The following ZNF844 variants were observed in gnomAD, a reference collection of about 807,000 sequenced individuals.
ZNF844 encodes zinc finger protein 844.
Under a neutral mutation model 11.4 loss-of-function variants are expected in ZNF844, and 11 were observed. That is an observed-to-expected ratio of 0.97 (90% CI 0.61 to 1.60). ZNF844 has a LOEUF of 1.60. ZNF844 is among the 40% of genes most tolerant of loss of function. ZNF844 has a pLI of 0.00. For synonymous variants in ZNF844, 248 were observed against 260.3 expected (o/e 0.95, Z 0.46); for missense variants, 790 against 796.8 (o/e 0.99, Z 0.10).
Position 12,078,465 on chromosome 19 carries a change from A to G in ZNF844, c.*1344A>G, listed in dbSNP as rs1203943230. 6.6e-6 allele frequency: 1 copy of G among 152,180 alleles called. No homozygotes were observed. Among genetic ancestry groups the G allele is most frequent in the Non-Finnish European group, 1.5e-5 (1 of 68,048 alleles). The allele number at this position is 152,180 out of a possible 1,614,324, so 9.4% of individuals were successfully genotyped here. A position where few individuals can be genotyped will look rare whatever the true frequency, so the allele number is the denominator to read the frequency against. On this transcript the variant is annotated 3_prime_UTR_variant, in exon 4 of 4. Transcript: ENST00000439326. Reference sequence around the variant, plus strand: ...TAATTAATTGAGAAGCCATAATAAAATATCTCAGTGCCATCATGCATTAGA... The same window carrying G: ...TAATTAATTGAGAAGCCATAATAAAGTATCTCAGTGCCATCATGCATTAGA...
intron 1 of ZNF844, among the ~76,000 whole-genome samples, chr19:12,065,372 C>T (rs1342973341): frequency 1.3e-5 from 2 of 152,064 alleles, no homozygotes; most frequent in African/African-American, 2.4e-5. Flanking sequence ...GTTTTCCCTG[C>T]TGTCTGTGGC....
Position 12,077,159 on chromosome 19 carries a change from T to C in ZNF844, c.*38T>C. 1.2e-6 allele frequency: 2 copies of C among 1,603,200 alleles called. No individual in the cohort carries two copies. Among genetic ancestry groups the C allele is most frequent in the Admixed American group, 1.7e-5 (1 of 57,762 alleles). ...GCAAGGAATGTGGCAAAGCCTTCAC[T>C]TCTTCTGGTTCCTTTCAGTGTCATA... is the stretch of plus-strand genomic sequence containing the variant. On this transcript the variant is annotated 3_prime_UTR_variant, in exon 4 of 4. Coordinates refer to ENST00000439326, the MANE Select transcript of ZNF844 (RefSeq NM_001136501.3).
chr19:12,074,735 C>T (rs1363319122), intron 3 of ZNF844, among the ~76,000 whole-genome samples: 1 of 152,076 alleles, frequency 6.6e-6, no homozygotes, highest in Non-Finnish European at 1.5e-5. Context: ...ACCTGTAGTC[C>T]TAGCTACATC....
chr19:12,073,665 G>A (rs1975776023), intron 1 of ZNF844, among the ~76,000 whole-genome samples: 1 of 149,474 alleles, frequency 6.7e-6, no homozygotes, highest in African/African-American at 2.5e-5. Flanking sequence ...AGGATATATA[G>A]CCTCAGGACT....
At chr19:12,067,938 A>AGG (rs1174843616) in intron 1 of ZNF844, among the ~76,000 whole-genome samples, 2 of 132,524 alleles carry the variant, frequency 1.5e-5, no homozygotes, top group African/African-American at 6.5e-5. Flanking sequence ...GAAAGAAAGA[A>AGG]AGAAAGAAGG....
At position 12,069,179 on chromosome 19, in the gene ZNF844, C is replaced by CTGT. The variant is rs1975724757; in HGVS notation, c.3+4304_3+4305insGTT. Among the ~76,000 whole-genome samples, 5 of 120,866 alleles carry CTGT rather than the reference C, an allele frequency of 4.1e-5. 1 individual carries two copies. Among genetic ancestry groups the CTGT allele is most frequent in the African/African-American group, 1.7e-4 (5 of 29,326 alleles). 79.3% of individuals were successfully genotyped at this position (120,866 alleles called of 152,430 possible). ...GACTTTTCTTTTTATTCTTTTATTC[C>CTGT]TTTTTTTTTTTTTTTTTTTTTGAGA... On this transcript the variant is annotated intron_variant, in intron 1 of 3. Transcript: ENST00000439326.
At position 12,080,364 on chromosome 19, in the gene ZNF844, AAAGAG is replaced by A. The variant is rs771008917; in HGVS notation, c.*3247_*3251del. 5.2e-6 allele frequency: 2 copies of A among 382,992 alleles called. No homozygotes were observed. The highest frequency in any genetic ancestry group is 3.9e-5 in the South Asian group (2 of 51,774). 23.7% of individuals were successfully genotyped at this position (382,992 alleles called of 1,614,324 possible). A position where few individuals can be genotyped will look rare whatever the true frequency, so the allele number is the denominator to read the frequency against. ...TCCGTCTCAAAAAAAAAAAAAAAAA[AAAGAG>A]AAGTCTGACAGGACAATAAAATTTA... On this transcript the variant is annotated 3_prime_UTR_variant, in exon 4 of 4. Coordinates refer to ENST00000439326, the MANE Select transcript of ZNF844 (RefSeq NM_001136501.3).
chr19:12,075,597 A>G lies in ZNF844; in HGVS notation c.477A>G (p.Gln159=). 1 of 1,614,018 alleles carries G rather than the reference A, an allele frequency of 6.2e-7. No individual in the cohort carries two copies. Among genetic ancestry groups the G allele is most frequent in the Non-Finnish European group, 8.5e-7 (1 of 1,179,980 alleles). ...GATGTCACCCCTCCTTTCAAATGCA[A>G]GAAAAGGCTCACACTGGAGAAAAAC... ...AFRCHPSFQM[Q]EKAHTGEKLY... The change falls in exon 4 of 4, where the codon CAA becomes CAG. Residue 159 remains glutamine (Q), a synonymous_variant. Transcript: ENST00000439326.
chr19:12,076,823 C>A lies in ZNF844; in HGVS notation c.1703C>A (p.Thr568Lys). ...ATAAGGAATATGGAAAAGCATTCAACAATTTCTCTTCCTTTCAAATACATG... is the reference window on the plus strand; with the variant it reads ...ATAAGGAATATGGAAAAGCATTCAAAAATTTCTCTTCCTTTCAAATACATG... ...NPIRNMEKHS[T>K]ISLPFKYMQQ... is the part of the protein sequence containing the mutation. The change falls in exon 4 of 4, where the codon ACA becomes AAA. Residue 568 changes from threonine (T) to lysine (K), a missense_variant. Thr to Lys is a moderately conservative substitution (Grantham distance 78, BLOSUM62 -1). Coordinates refer to ENST00000439326, the MANE Select transcript of ZNF844 (RefSeq NM_001136501.3). The A allele has an allele frequency of 6.4e-7, 1 of 1,560,422 alleles. No individual in the cohort carries two copies. The highest frequency in any genetic ancestry group is 8.7e-7 in the Non-Finnish European group (1 of 1,151,552).
Position 12,074,091 on chromosome 19 carries a change from G to C in ZNF844, c.64G>C (p.Asp22His), listed in dbSNP as rs1271680078. The C allele has an allele frequency of 6.2e-7, 1 of 1,613,742 alleles. No individual in the cohort carries two copies. Among genetic ancestry groups the C allele is most frequent in the Non-Finnish European group, 8.5e-7 (1 of 1,179,810 alleles). ...CACCCAGGAGGAGTGGTCTTTGCTGGATCCTTCCCAGAAGAATCTCTACAG... is the reference window on the plus strand; with the variant it reads ...CACCCAGGAGGAGTGGTCTTTGCTGCATCCTTCCCAGAAGAATCTCTACAG... ...NFTQEEWSLL[D>H]PSQKNLYREV... is the part of the protein sequence containing the mutation. Residue 22 changes from aspartate to histidine, a missense_variant, in exon 2 of 4, where the codon GAT (aspartate) becomes CAT (histidine). This residue lies in a region of ZNF844 where 129 missense variants were observed against 144.0 expected (regional missense o/e 0.90). Transcript: ENST00000439326.
In ZNF844 at chr19:12,076,107, G is replaced by T. The variant is rs8112094; in HGVS notation, c.987G>T (p.Val329=). The T allele has an allele frequency of 0.072, 112,643 of 1,567,954 alleles. 5,704 individuals are homozygous for T. The highest frequency in any genetic ancestry group is 0.26 in the African/African-American group (19,030 of 73,256). Reference sequence around the variant, plus strand: ...CCAGTTATCTTTGTAGACATGAAGTGACCCACTCTGGGAAAAAGCCCTGTG... The same window carrying T: ...CCAGTTATCTTTGTAGACATGAAGTTACCCACTCTGGGAAAAAGCCCTGTG... ...KCPSYLCRHE[V]THSGKKPCEC... Residue 329 remains valine (V), a synonymous_variant, in exon 4 of 4, where the codon GTG becomes GTT. Coordinates refer to ENST00000439326, the MANE Select transcript of ZNF844 (RefSeq NM_001136501.3).
chr19:12,069,768 A>G (rs1198222872), intron 1 of ZNF844, among the ~76,000 whole-genome samples: 2 of 151,404 alleles, frequency 1.3e-5, no homozygotes, highest in African/African-American at 2.4e-5. Context: ...TAGCCTGACC[A>G]ACATGGTGAA....
chr19:12,075,825 T>C lies in ZNF844; in HGVS notation c.705T>C (p.Ser235=), dbSNP rs750389261. 1 of 1,610,612 alleles carries C rather than the reference T, an allele frequency of 6.2e-7. No individual in the cohort carries two copies. The highest frequency in any genetic ancestry group is 8.5e-7 in the Non-Finnish European group (1 of 1,178,534). ...YKCKQCGKAF[S]YSTSLQIHER... ...GTAAACAATGTGGTAAAGCCTTTAG[T>C]TATTCAACTTCCCTTCAAATACATG... is the stretch of plus-strand genomic sequence containing the variant. Residue 235 remains serine, a synonymous_variant, in exon 4 of 4, where the codon AGT becomes AGC. Coordinates refer to ENST00000439326, the MANE Select transcript of ZNF844 (RefSeq NM_001136501.3).
chr19:12,076,119 G>A lies in ZNF844; in HGVS notation c.999G>A (p.Gly333=). 6.4e-7 allele frequency: 1 copy of A among 1,569,640 alleles called. No individual in the cohort carries two copies. Residue 333 remains glycine (G), a synonymous_variant, in exon 4 of 4, where the codon GGG becomes GGA. Coordinates refer to ENST00000439326, the MANE Select transcript of ZNF844 (RefSeq NM_001136501.3). ...GTAGACATGAAGTGACCCACTCTGG[G>A]AAAAAGCCCTGTGAATGTAAACAAT... ...YLCRHEVTHS[G]KKPCECKQCG... is the part of the protein sequence containing the mutation.
intron 3 of ZNF844, among the ~76,000 whole-genome samples, chr19:12,074,704 T>C (rs1172949071): frequency 2.0e-5 from 3 of 152,058 alleles, no homozygotes; most frequent in African/African-American, 7.2e-5. Context: ...AACAAAGAAC[T>C]AGCTATACAT....
At chr19:12,074,290 A>G (rs544418126) in intron 2 of ZNF844, 71 bp from the exon 3 acceptor site, 180 of 1,501,302 alleles carry the variant, frequency 1.2e-4, no homozygotes, top group Non-Finnish European at 1.5e-4. Context: ...ATGTCCCGTG[A>G]ACATAGAATC....
intron 2 of ZNF844, 64 bp downstream of exon 2, chr19:12,074,221 T>A: frequency 6.2e-7 from 1 of 1,602,608 alleles, no homozygotes; most frequent in Non-Finnish European, 8.5e-7. Flanking sequence ...ATTAATGCTA[T>A]TCCTTGATTT....
In ZNF844 at chr19:12,078,859, C is replaced by A. The variant is rs918707636; in HGVS notation, c.*1738C>A. ...GATAGGCCTCTCTCCCCGTTCATTT[C>A]TTTTTTTTTGAGACGGAGTCTTGCT... is the stretch of plus-strand genomic sequence containing the variant. On this transcript the variant is annotated 3_prime_UTR_variant, in exon 4 of 4. Transcript: ENST00000439326. 2.0e-5 allele frequency: 3 copies of A among 151,628 alleles called. No individual in the cohort carries two copies. The highest frequency in any genetic ancestry group is 2.0e-4 in the Admixed American group (3 of 15,164). The allele number at this position is 151,628 out of a possible 1,614,324, so 9.4% of individuals were successfully genotyped here.
In ZNF844 at chr19:12,077,761, T is replaced by A. The variant is rs1247194914; in HGVS notation, c.*640T>A. ...AAAGCCTTCAGATTTGCTAAGAACC[T>A]TCAAATACAGACAATGAATGTAAAC... is the stretch of plus-strand genomic sequence containing the variant. On this transcript the variant is annotated 3_prime_UTR_variant, in exon 4 of 4. Transcript: ENST00000439326. The A allele has an allele frequency of 5.4e-6, 2 of 370,184 alleles. No homozygotes were observed. The highest frequency in any genetic ancestry group is 1.1e-5 in the Non-Finnish European group (2 of 187,194). The allele number at this position is 370,184 out of a possible 1,614,324, so 22.9% of individuals were successfully genotyped here. A position where few individuals can be genotyped will look rare whatever the true frequency, so the allele number is the denominator to read the frequency against.
Sources: gnomAD v4.1 joint callset for allele counts (sites outside exome capture counted in the v4.1 genomes callset) on GRCh38, gnomAD v4.1.1 for gene constraint, gnomAD v4.1.1 regional missense constraint, MANE v1.5 for transcripts, NCBI Gene and HGNC (gene_info 2026-07-23, HGNC 2026-07-21) for gene names.